Variants in PPME1 observed in about 807,000 individuals in gnomAD.
The protein encoded by PPME1 is protein phosphatase methylesterase 1.
PPME1 carries 17 observed loss-of-function variants against 56.9 expected under a neutral mutation model. The observed-to-expected ratio is 0.30, with a 90% CI of 0.20 to 0.45. The LOEUF (loss-of-function observed/expected upper bound fraction) is 0.45. Among genes scored for constraint, PPME1 ranks in the 20% least tolerant of loss-of-function variants. The pLI, the probability that PPME1 is intolerant of heterozygous loss-of-function variation, is 1.00. For missense variants in PPME1, 357 were observed against 483.2 expected (o/e 0.74, Z 2.45); for synonymous variants, 122 against 156.2 (o/e 0.78, Z 1.63).
At chr11:74,229,403 T>C (rs1275428411) in intron 5 of PPME1, among the ~76,000 whole-genome samples, 2 of 152,168 alleles carry the variant, frequency 1.3e-5, no homozygotes, top group Admixed American at 6.5e-5. Context: ...CTTATCCACC[T>C]ATTGCTATAG....
At position 74,232,281 on chromosome 11, in the gene PPME1, T is replaced by C. The variant is rs543490383; in HGVS notation, c.644+1279T>C. On this transcript the variant is annotated intron_variant, in intron 7 of 13. Transcript: ENST00000328257. ...TCATAAGGGAAGAAGCTATTCTGTA[T>C]TTCTTTTCTACTTTCATATAGCATA... Among the ~76,000 whole-genome samples, 14 of 152,382 alleles carry C rather than the reference T, an allele frequency of 9.2e-5. 1 individual carries two copies. The South Asian group carries it at 1.7e-3, about 18-fold the overall frequency.
chr11:74,248,821 TGCCTGAAGGCAGTTGACATGG>T (rs1390665236), intron 11 of PPME1: 1 of 152,236 alleles, frequency 6.6e-6, no homozygotes, highest in East Asian at 1.9e-4. Context: ...CCCCTGAGAC[TGCCTGAAGGCAGTTGACATGG>T]ACTGGGATAG....
At chr11:74,232,860 A>ATTTTTTTTTTTTTTTTT (rs35057762) in intron 7 of PPME1, among the ~76,000 whole-genome samples, 1 of 93,862 alleles carries the variant, frequency 1.1e-5, no homozygotes, top group African/African-American at 4.6e-5. Flanking sequence ...TTGTTATTTG[A>ATTTTTTTTTTTTTTTTT]TTTTTTTTTT....
chr11:74,178,829 T>C (rs2135591730), intron 1 of PPME1, among the ~76,000 whole-genome samples: 1 of 152,326 alleles, frequency 6.6e-6, no homozygotes, highest in South Asian at 2.1e-4. Flanking sequence ...TAATGAGCCT[T>C]CCATGTTATG....
chr11:74,176,174 G>A (rs1857395942), intron 1 of PPME1, among the ~76,000 whole-genome samples: 1 of 152,206 alleles, frequency 6.6e-6, no homozygotes, highest in Non-Finnish European at 1.5e-5. Context: ...TGAGAACTGT[G>A]AAGAAGGTTC....
chr11:74,250,863 G>T (rs1462291025), intron 11 of PPME1, 91 bp from the exon 12 acceptor site: 1 of 1,086,350 alleles, frequency 9.2e-7, no homozygotes, highest in East Asian at 2.6e-5. Flanking sequence ...AAATGGGGAG[G>T]TAGGTCCTGG....
intron 13 of PPME1, chr11:74,252,375 G>A: frequency 2.2e-6 from 1 of 452,316 alleles, no homozygotes; most frequent in East Asian, 7.0e-5. Flanking sequence ...GGGATTATAG[G>A]CACAAGCCAC....
intron 1 of PPME1, among the ~76,000 whole-genome samples, chr11:74,183,303 AAAC>A (rs760326758): frequency 3.9e-5 from 6 of 152,160 alleles, no homozygotes; most frequent in Non-Finnish European, 5.9e-5. Flanking sequence ...TCTCAAAACA[AAAC>A]AACAACAAAA....
chr11:74,244,350 T>A (rs1049187200), intron 9 of PPME1, among the ~76,000 whole-genome samples: 2 of 152,210 alleles, frequency 1.3e-5, no homozygotes, highest in African/African-American at 2.4e-5. Flanking sequence ...TGCCTTGATG[T>A]TTTTCTTATT....
At chr11:74,227,693 A>G (rs1319950621) in intron 5 of PPME1, among the ~76,000 whole-genome samples, 1 of 152,202 alleles carries the variant, frequency 6.6e-6, no homozygotes, top group Non-Finnish European at 1.5e-5. Flanking sequence ...ATCCAGTTAC[A>G]GTCTAGATTT....
intron 1 of PPME1, among the ~76,000 whole-genome samples, chr11:74,177,871 T>G (rs1160556423): frequency 6.6e-6 from 1 of 152,234 alleles, no homozygotes; most frequent in Non-Finnish European, 1.5e-5. Context: ...CTAAGTTATA[T>G]TCAATCTAAT....
intron 1 of PPME1, among the ~76,000 whole-genome samples, chr11:74,200,485 G>A (rs1417454279): frequency 3.3e-5 from 5 of 151,852 alleles, no homozygotes; most frequent in African/African-American, 1.2e-4. Flanking sequence ...GGGTTCAAGC[G>A]ATTCTCCTGC....
intron 3 of PPME1, chr11:74,205,710 C>T (rs2135626511): frequency 6.6e-6 from 1 of 152,248 alleles, no homozygotes; most frequent in South Asian, 2.1e-4. Flanking sequence ...TAAACATAGG[C>T]ACATATTCAA....
At position 74,239,251 on chromosome 11, in the gene PPME1, A is replaced by G. The variant is rs1303941572; in HGVS notation, c.829A>G (p.Met277Val). ...SISKRKKEDD[M>V]ETKKDHPYTW... ...AAGCAAGAGGAAAAAGGAAGATGAC[A>G]TGGAGGTGGGTAAAAACATTCATTC... The change falls in exon 9 of 14, where the codon ATG becomes GTG. Residue 277 changes from methionine to valine, a missense_variant. Met to Val is a conservative substitution (Grantham distance 21). Coordinates refer to ENST00000328257, the MANE Select transcript of PPME1 (RefSeq NM_016147.3). The G allele has an allele frequency of 1.2e-6, 2 of 1,612,398 alleles. No individual in the cohort carries two copies. The highest frequency in any genetic ancestry group is 1.7e-5 in the Admixed American group (1 of 59,608).
At chr11:74,225,281 C>T in intron 5 of PPME1, 25 bp downstream of exon 5, 1 of 1,464,840 alleles carries the variant, frequency 6.8e-7, no homozygotes, top group South Asian at 1.3e-5. Context: ...ATTTCTTATA[C>T]ATTGCCTGTC....
Position 74,230,798 on chromosome 11 carries a change from C to A in PPME1, c.554-114C>A. ...ATTGAGGGCCATCTTTATTTCTCTGCGAGCATCACTAAATTCTGCTGTCAT... is the reference window on the plus strand; with the variant it reads ...ATTGAGGGCCATCTTTATTTCTCTGAGAGCATCACTAAATTCTGCTGTCAT... On this transcript the variant is annotated intron_variant, in intron 6 of 13. Transcript: ENST00000328257. The surrounding 1 kb of genome is among the most constrained non-coding windows in gnomAD (Gnocchi z 4.9). 2.4e-6 allele frequency: 2 copies of A among 829,504 alleles called. No homozygotes were observed. Among genetic ancestry groups the A allele is most frequent in the Non-Finnish European group, 3.9e-6 (2 of 517,412 alleles). 51.4% of individuals were successfully genotyped at this position (829,504 alleles called of 1,614,324 possible).
At position 74,230,440 on chromosome 11, in the gene PPME1, T is replaced by A; in HGVS notation, c.553+41T>A. 1 of 1,595,880 alleles carries A rather than the reference T, an allele frequency of 6.3e-7. No individual in the cohort carries two copies. The highest frequency in any genetic ancestry group is 1.3e-5 in the African/African-American group (1 of 74,562). ...ACTGACCAAATCAGGATTTCACTTA[T>A]AAGAGACATCCTTGGTAGATTATTA... On this transcript the variant is annotated intron_variant, in intron 6 of 13. Transcript: ENST00000328257. The surrounding 1 kb of genome is among the most constrained non-coding windows in gnomAD (Gnocchi z 4.9).
In PPME1 at chr11:74,171,319, G is replaced by T. The variant is rs1213448804; in HGVS notation, c.-103G>T. 6 of 1,511,528 alleles carry T rather than the reference G, an allele frequency of 4.0e-6. No homozygotes were observed. The East Asian group carries it at 9.8e-5, about 25-fold the overall frequency. 93.6% of individuals were successfully genotyped at this position (1,511,528 alleles called of 1,614,324 possible). Reference sequence around the variant, plus strand: ...GGGTAGCTGGGTGCTGTCCAAAGGCGACAGGGCGTCGTTAGGGGAGCGAGT... The same window carrying T: ...GGGTAGCTGGGTGCTGTCCAAAGGCTACAGGGCGTCGTTAGGGGAGCGAGT... On this transcript the variant is annotated 5_prime_UTR_variant, in exon 1 of 14. Coordinates refer to ENST00000328257, the MANE Select transcript of PPME1 (RefSeq NM_016147.3).
At chr11:74,186,797 TC>T (rs1857695159) in intron 1 of PPME1, among the ~76,000 whole-genome samples, 1 of 152,212 alleles carries the variant, frequency 6.6e-6, no homozygotes, top group African/African-American at 2.4e-5. Context: ...CATATCACTA[TC>T]CTATAAAGGC....
Sources: gnomAD v4.1 joint callset for allele counts (sites outside exome capture counted in the v4.1 genomes callset) on GRCh38, gnomAD v4.1.1 for gene constraint, Gnocchi (gnomAD v3.1) non-coding constraint, MANE v1.5 for transcripts, NCBI Gene and HGNC (gene_info 2026-07-23, HGNC 2026-07-21) for gene names.